ZNF804A: variants seen among roughly 807,000 people sequenced by gnomAD.
ZNF804A encodes the protein zinc finger protein 804A.
In ZNF804A, 2 loss-of-function variants were observed where a neutral mutation model predicts 16.5. The ratio of observed to expected loss-of-function variants is 0.12; its 90% CI spans 0.05 to 0.38. ZNF804A has a LOEUF of 0.38. ZNF804A is among the 10% of genes least tolerant of loss of function. ZNF804A has a pLI of 0.99. For synonymous variants in ZNF804A, 534 were observed against 489.6 expected (o/e 1.09, Z -1.20); for missense variants, 1,473 against 1,390.7 (o/e 1.06, Z -0.94).
At chr2:184,809,963 A>G (rs1694866898) in intron 1 of ZNF804A, among the ~76,000 whole-genome samples, 2 of 152,174 alleles carry the variant, frequency 1.3e-5, no homozygotes, top group African/African-American at 4.8e-5. Context: ...CAAATAGCAA[A>G]AAGGACTAGG....
intron 1 of ZNF804A, among the ~76,000 whole-genome samples, chr2:184,674,434 TAA>T (rs1045123560): frequency 1.3e-5 from 2 of 151,690 alleles, no homozygotes; most frequent in African/African-American, 4.8e-5. Flanking sequence ...AAATCACAAA[TAA>T]AAAAGAGAAC....
chr2:184,851,942 T>G (rs916021473), intron 1 of ZNF804A, among the ~76,000 whole-genome samples: 2 of 151,900 alleles, frequency 1.3e-5, no homozygotes, highest in African/African-American at 4.8e-5. Flanking sequence ...TTAGTGATAC[T>G]GAGCATTTTG....
Position 184,939,070 on chromosome 2 carries a change from C to G in ZNF804A, c.*44C>G. The stretch of plus-strand genomic sequence containing the variant: ...AAAAATACTCTTGTGAAAACTATTG[C>G]TATATGCGTTAAGTGTTCATCTATG... On this transcript the variant is annotated 3_prime_UTR_variant, in exon 4 of 4. Coordinates refer to ENST00000302277, the MANE Select transcript of ZNF804A (RefSeq NM_194250.2). 6.3e-7 allele frequency: 1 copy of G among 1,590,086 alleles called. No homozygotes were observed.
At position 184,723,725 on chromosome 2, in the gene ZNF804A, G is replaced by A. The variant is rs1693359832; in HGVS notation, c.111+124655G>A. On this transcript the variant is annotated intron_variant, in intron 1 of 3. Coordinates refer to ENST00000302277, the MANE Select transcript of ZNF804A (RefSeq NM_194250.2). ...GTTAAATGTATATTTTGATCACTGT[G>A]AAAACAGCAATGATTTTCCATACAA... 4.0e-5 allele frequency among the ~76,000 whole-genome samples: 6 copies of A among 151,750 alleles called. No homozygotes were observed. The South Asian group carries it at 1.2e-3, about 31-fold the overall frequency.
intron 1 of ZNF804A, among the ~76,000 whole-genome samples, chr2:184,833,804 G>A (rs894871406): frequency 1.3e-5 from 2 of 151,974 alleles, no homozygotes; most frequent in African/African-American, 2.4e-5. Context: ...TTAGGGTGCA[G>A]CAAACCACCA....
intron 1 of ZNF804A, among the ~76,000 whole-genome samples, chr2:184,864,784 T>C (rs992097283): frequency 2.0e-5 from 3 of 152,100 alleles, no homozygotes; most frequent in African/African-American, 7.2e-5. Flanking sequence ...TAAGTGCCAT[T>C]GCCATATAGA....
chr2:184,883,285 C>T (rs771323235), intron 2 of ZNF804A, among the ~76,000 whole-genome samples: 11 of 151,970 alleles, frequency 7.2e-5, no homozygotes, highest in East Asian at 1.9e-4. Context: ...AATAATAAAA[C>T]GTGTACCAGC....
chr2:184,718,625 C>A (rs1356789038), intron 1 of ZNF804A, among the ~76,000 whole-genome samples: 1 of 152,144 alleles, frequency 6.6e-6, no homozygotes, highest in African/African-American at 2.4e-5. Context: ...AGGCTCTATG[C>A]AAGTCCAAAA....
chr2:184,655,277 A>C (rs372347067), intron 1 of ZNF804A, among the ~76,000 whole-genome samples: 24 of 152,216 alleles, frequency 1.6e-4, no homozygotes, highest in African/African-American at 5.1e-4. Flanking sequence ...TTCTGTGTGC[A>C]GTCAAGTCAC....
In ZNF804A at chr2:184,743,787, C is replaced by T. The variant is rs371954822; in HGVS notation, c.112-122582C>T. On this transcript the variant is annotated intron_variant, in intron 1 of 3. Transcript: ENST00000302277. ...ATCTATACTTAGTTTATTCTTACTG[C>T]GATTTAATTTATAACAGAATAAACT... Among the ~76,000 whole-genome samples the T allele has an allele frequency of 1.4e-4, 21 of 151,676 alleles. No homozygotes were observed. In the South Asian group the frequency reaches 1.5e-3, roughly 11 times the overall value.
At chr2:184,664,480 T>C (rs960390748) in intron 1 of ZNF804A, among the ~76,000 whole-genome samples, 26 of 152,220 alleles carry the variant, frequency 1.7e-4, no homozygotes, top group African/African-American at 6.0e-4. Context: ...CTCTTAGTAA[T>C]TCTGATCCTA....
chr2:184,618,465 A>C (rs1691363890), intron 1 of ZNF804A, among the ~76,000 whole-genome samples: 1 of 152,136 alleles, frequency 6.6e-6, no homozygotes, highest in Non-Finnish European at 1.5e-5. Flanking sequence ...AAGATTATTT[A>C]ATAAAAGATA....
At chr2:184,927,168 G>A (rs1443992770) in intron 2 of ZNF804A, among the ~76,000 whole-genome samples, 1 of 152,206 alleles carries the variant, frequency 6.6e-6, no homozygotes, top group Non-Finnish European at 1.5e-5. Flanking sequence ...AGGTCCGAAA[G>A]GACTGTATGT....
intron 1 of ZNF804A, among the ~76,000 whole-genome samples, chr2:184,617,913 T>C (rs1234666713): frequency 6.6e-6 from 1 of 151,966 alleles, no homozygotes; most frequent in Non-Finnish European, 1.5e-5. Flanking sequence ...GATATTATTA[T>C]AATTGCCATT....
intron 1 of ZNF804A, among the ~76,000 whole-genome samples, chr2:184,790,576 C>A (rs181927211): frequency 6.6e-6 from 1 of 151,398 alleles, no homozygotes; most frequent in Non-Finnish European, 1.5e-5. Flanking sequence ...TGTATTCAAA[C>A]CTTTATTCTT....
intron 1 of ZNF804A, among the ~76,000 whole-genome samples, chr2:184,634,815 G>T (rs1574140475): frequency 6.6e-6 from 1 of 152,002 alleles, no homozygotes; most frequent in Admixed American, 6.6e-5. Flanking sequence ...CTAAGTTTGT[G>T]GTCATTTGTT....
At chr2:184,682,101 A>G (rs563238818) in intron 1 of ZNF804A, among the ~76,000 whole-genome samples, 1 of 152,324 alleles carries the variant, frequency 6.6e-6, no homozygotes, top group South Asian at 2.1e-4. Context: ...GAGTCTTCGC[A>G]TGGGCCTGCA....
intron 2 of ZNF804A, among the ~76,000 whole-genome samples, chr2:184,879,403 T>G (rs1684770732): frequency 6.6e-6 from 1 of 152,112 alleles, no homozygotes; most frequent in East Asian, 1.9e-4. Flanking sequence ...TTCTTTCTTT[T>G]TTCTTTTTTG....
intron 2 of ZNF804A, among the ~76,000 whole-genome samples, chr2:184,891,370 T>A (rs950799913): frequency 1.5e-4 from 23 of 152,182 alleles, no homozygotes; most frequent in African/African-American, 5.5e-4. Flanking sequence ...GACAGTTATG[T>A]CTTCCACTCC....
Sources: allele counts gnomAD v4.1 joint callset (sites outside exome capture counted in the v4.1 genomes callset), GRCh38; gene constraint gnomAD v4.1.1; transcripts MANE v1.5; gene names NCBI Gene and HGNC (gene_info 2026-07-23, HGNC 2026-07-21).